Variants in MTCL2 observed in about 807,000 individuals in gnomAD.
MTCL2 encodes the protein microtubule crosslinking factor 2.
chr20:36,844,034 G>A, the MTCL2 span, among the ~76,000 whole-genome samples: 4 of 151,756 alleles, frequency 2.6e-5, no homozygotes, highest in East Asian at 5.9e-4. Flanking sequence ...TCAGGAGTTT[G>A]AGACCAGCCT....
At chr20:36,856,454 G>A in the MTCL2 span, among the ~76,000 whole-genome samples, 1 of 152,264 alleles carries the variant, frequency 6.6e-6, no homozygotes, top group Non-Finnish European at 1.5e-5. Context: ...GGGGGAGATA[G>A]GGCCAGCAGG....
chr20:36,801,558 A>C, the MTCL2 span, among the ~76,000 whole-genome samples: 25 of 152,142 alleles, frequency 1.6e-4, no homozygotes, highest in Middle Eastern at 3.4e-3. Context: ...TAAAAAAAAA[A>C]AACAACTTTT....
chr20:36,840,343 T>A, the MTCL2 span, among the ~76,000 whole-genome samples: 4 of 151,264 alleles, frequency 2.6e-5, no homozygotes, highest in Non-Finnish European at 5.9e-5. Flanking sequence ...TTTTTTTTTT[T>A]ATTTTTAGTA....
At chr20:36,814,802 G>A in the MTCL2 span, among the ~76,000 whole-genome samples, 7 of 152,306 alleles carry the variant, frequency 4.6e-5, no homozygotes, top group Middle Eastern at 3.4e-3. Flanking sequence ...GAGGAGAATC[G>A]CTTGAACCTG....
the MTCL2 span, chr20:36,862,845 T>C: frequency 7.9e-7 from 1 of 1,264,408 alleles, no homozygotes; most frequent in Non-Finnish European, 9.9e-7. Context: ...CGGGGGCTGC[T>C]GCGCGGAGGG....
At chr20:36,783,358 A>C in the MTCL2 span, 1 of 152,204 alleles carries the variant, frequency 6.6e-6, no homozygotes, top group Non-Finnish European at 1.5e-5. Context: ...TGAAGTCATC[A>C]TTCCAAAAGG....
At chr20:36,830,331 C>T in the MTCL2 span, among the ~76,000 whole-genome samples, 2 of 152,044 alleles carry the variant, frequency 1.3e-5, no homozygotes, top group Non-Finnish European at 2.9e-5. Context: ...TTTGAGAGGC[C>T]GAGGCAGGGG....
chr20:36,841,874 G>GGGGTGGGT, the MTCL2 span, among the ~76,000 whole-genome samples: 42 of 110,862 alleles, frequency 3.8e-4, no homozygotes, highest in African/African-American at 5.1e-4. Context: ...TGGGGGGTGG[G>GGGGTGGGT]GTGTGTGTGT....
chr20:36,815,333 G>A, the MTCL2 span: 1 of 1,613,826 alleles, frequency 6.2e-7, no homozygotes. This position sits in a 1 kb window ranked among gnomAD's most constrained non-coding sequence, Gnocchi z 5.3. Flanking sequence ...TGTCCCTGGG[G>A]CCCTCGCTGT....
the MTCL2 span, chr20:36,784,546 G>C: frequency 1.7e-5 from 17 of 985,600 alleles, no homozygotes; most frequent in African/African-American, 2.6e-4. Context: ...ATCCATCCTG[G>C]TGTTTCCACT....
chr20:36,794,156 G>T, the MTCL2 span: 1 of 1,551,144 alleles, frequency 6.4e-7, no homozygotes, highest in Non-Finnish European at 8.7e-7. This position sits in a 1 kb window ranked among gnomAD's most constrained non-coding sequence, Gnocchi z 5.4. Context: ...GCGCTGCCGT[G>T]AGAAGTTGCA....
chr20:36,815,774 C>T, the MTCL2 span: 4 of 1,590,698 alleles, frequency 2.5e-6, no homozygotes, highest in East Asian at 4.6e-5. This position sits in a 1 kb window ranked among gnomAD's most constrained non-coding sequence, Gnocchi z 5.3. Flanking sequence ...CCTCCGACAG[C>T]GCCACGTCCA....
the MTCL2 span, among the ~76,000 whole-genome samples, chr20:36,829,568 A>C: frequency 2.4e-5 from 3 of 125,432 alleles, no homozygotes; most frequent in African/African-American, 9.4e-5. Flanking sequence ...CCCAGGCTGG[A>C]GTGCAGTGGT....
chr20:36,790,806 C>T, the MTCL2 span, among the ~76,000 whole-genome samples: 2 of 150,660 alleles, frequency 1.3e-5, no homozygotes, highest in Non-Finnish European at 3.0e-5. Flanking sequence ...GAACTCCTAG[C>T]TCAAGTGATC....
At chr20:36,794,769 CTTTTT>C in the MTCL2 span, 3 of 642,430 alleles carry the variant, frequency 4.7e-6, no homozygotes, top group Non-Finnish European at 7.7e-6. The surrounding 1 kb of genome is among the most constrained non-coding windows in gnomAD (Gnocchi z 5.4). Flanking sequence ...TCTGCATTTT[CTTTTT>C]TTTTTTTTTC....
At chr20:36,830,951 G>T in the MTCL2 span, among the ~76,000 whole-genome samples, 7 of 152,194 alleles carry the variant, frequency 4.6e-5, no homozygotes, top group African/African-American at 1.2e-4. Context: ...ATGTAGAACA[G>T]GCCCAAAATG....
At chr20:36,794,072 A>G in the MTCL2 span, 1 of 1,551,300 alleles carries the variant, frequency 6.4e-7, no homozygotes, top group Admixed American at 2.0e-5. This position sits in a 1 kb window ranked among gnomAD's most constrained non-coding sequence, Gnocchi z 5.4. Context: ...GTTGCCTGAC[A>G]TCTCAAAGTC....
chr20:36,808,409 A>G, the MTCL2 span: 1 of 864,616 alleles, frequency 1.2e-6, no homozygotes, highest in South Asian at 1.7e-5. Context: ...TGCTGATGGC[A>G]GGTATGTGAG....
chr20:36,847,853 CAA>C, the MTCL2 span, among the ~76,000 whole-genome samples: 2,049 of 83,534 alleles, frequency 0.025, 31 homozygotes, highest in African/African-American at 0.085. Context: ...CAGTCTGACT[CAA>C]AAAAAAAAAA....
Sources: allele counts gnomAD v4.1 joint callset (sites outside exome capture counted in the v4.1 genomes callset), GRCh38; gene constraint gnomAD v4.1.1; non-coding constraint Gnocchi (gnomAD v3.1); transcripts MANE v1.5; gene names NCBI Gene and HGNC (gene_info 2026-07-23, HGNC 2026-07-21).